Variants in SLC38A8 observed in about 807,000 individuals in gnomAD.
The protein encoded by SLC38A8 is amino acid transporter SLC38A8.
SLC38A8 carries 65 observed loss-of-function variants against 46.0 expected under a neutral mutation model. The observed-to-expected ratio is 1.41, with a 90% CI of 1.16 to 1.74. The LOEUF is 1.74. Among genes scored for constraint, SLC38A8 ranks in the 40% most tolerant of loss-of-function variants. The pLI, the probability that SLC38A8 is intolerant of heterozygous loss-of-function variation, is 0.00. For missense variants in SLC38A8, 998 were observed against 567.9 expected, an observed-to-expected ratio of 1.76 and a Z score of -7.70; for synonymous variants, 447 against 243.7, an observed-to-expected ratio of 1.83 and a Z score of -7.77.
At chr16:84,031,141 G>T (rs1434799387) in intron 5 of SLC38A8, among the ~76,000 whole-genome samples, 3 of 152,174 alleles carry the variant, frequency 2.0e-5, no homozygotes, top group Non-Finnish European at 2.9e-5. Context: ...CCCGGTTCAA[G>T]CAATTCTCCT....
chr16:84,019,487 C>G (rs902816033), intron 7 of SLC38A8, among the ~76,000 whole-genome samples: 2 of 152,218 alleles, frequency 1.3e-5, no homozygotes, highest in African/African-American at 4.8e-5. Context: ...GCGCTGCTCT[C>G]GACAGCTTCT....
At chr16:84,026,062 C>T (rs531554367) in intron 6 of SLC38A8, among the ~76,000 whole-genome samples, 5 of 152,354 alleles carry the variant, frequency 3.3e-5, no homozygotes, top group South Asian at 4.1e-4. Context: ...GCCTTCAGGG[C>T]ACGGCAGATG....
chr16:84,017,623 A>C (rs1205334029), intron 7 of SLC38A8, among the ~76,000 whole-genome samples: 1 of 152,092 alleles, frequency 6.6e-6, no homozygotes, highest in Non-Finnish European at 1.5e-5. Context: ...TGTCCATCTC[A>C]CTCCTACGAC....
At chr16:84,024,302 C>A (rs1377410750) in intron 6 of SLC38A8, among the ~76,000 whole-genome samples, 9 of 152,182 alleles carry the variant, frequency 5.9e-5, no homozygotes. Flanking sequence ...TGCACACATA[C>A]TTAGAATCTA....
intron 4 of SLC38A8, among the ~76,000 whole-genome samples, chr16:84,032,335 T>C (rs1370849480): frequency 6.6e-6 from 1 of 152,112 alleles, no homozygotes; most frequent in East Asian, 1.9e-4. Flanking sequence ...ATTACAGGTG[T>C]CCGCCCCCAC....
At position 84,039,141 on chromosome 16, in the gene SLC38A8, G is replaced by T. The variant is rs143134280; in HGVS notation, c.190-2241C>A. 6.7e-3 allele frequency among the ~76,000 whole-genome samples: 1,021 copies of T among 152,280 alleles called. 5 individuals carry two copies. Among genetic ancestry groups the T allele is most frequent in the Middle Eastern group, 0.01 (3 of 294 alleles). ...AGTCCTGAGGCCATAAACCCAAGAAGCACCTGGAGCCACCAGGAGCTCGAA... is the reference window on the plus strand; with the variant it reads ...AGTCCTGAGGCCATAAACCCAAGAATCACCTGGAGCCACCAGGAGCTCGAA... On this transcript the variant is annotated intron_variant, in intron 2 of 10. Coordinates refer to ENST00000299709, the MANE Select transcript of SLC38A8 (RefSeq NM_001080442.3).
chr16:84,036,112 C>G (rs575763718), intron 3 of SLC38A8, among the ~76,000 whole-genome samples: 4 of 152,150 alleles, frequency 2.6e-5, no homozygotes, highest in Non-Finnish European at 2.9e-5. Flanking sequence ...AAATTAAGGT[C>G]GAAACCGTGA....
intron 6 of SLC38A8, among the ~76,000 whole-genome samples, chr16:84,028,732 G>A (rs1464001379): frequency 1.4e-5 from 2 of 139,800 alleles, no homozygotes; most frequent in African/African-American, 2.7e-5. Context: ...GTGCCACAGA[G>A]CCCTCTGCAG....
At chr16:84,042,324 G>A (rs963300853) in intron 1 of SLC38A8, among the ~76,000 whole-genome samples, 165 bp from the exon 2 acceptor site, 1 of 152,020 alleles carries the variant, frequency 6.6e-6, no homozygotes, top group African/African-American at 2.4e-5. Flanking sequence ...GCATGCATCT[G>A]CCCACGACTT....
rs372464171 is a variant in SLC38A8 at position 84,036,936 on chromosome 16, G to T, written c.190-36C>A. On this transcript the variant is annotated intron_variant, in intron 2 of 10. Coordinates refer to ENST00000299709, the MANE Select transcript of SLC38A8 (RefSeq NM_001080442.3). ...GGAGCAGGACCTGGAACTGGGGTGT[G>T]CCCACAGCCCACCCACCCCCAGCCA... 2.6e-6 allele frequency: 4 copies of T among 1,557,158 alleles called. No homozygotes were observed. The African/African-American group carries it at 4.1e-5, about 16-fold the overall frequency.
intron 7 of SLC38A8, among the ~76,000 whole-genome samples, chr16:84,018,212 A>C (rs2085053995): frequency 7.0e-6 from 1 of 143,454 alleles, no homozygotes; most frequent in African/African-American, 2.6e-5. Flanking sequence ...GCTCTGACTC[A>C]GCCCTCATTC....
intron 6 of SLC38A8, among the ~76,000 whole-genome samples, chr16:84,026,441 G>T (rs990008697): frequency 6.6e-6 from 1 of 152,140 alleles, no homozygotes; most frequent in African/African-American, 2.4e-5. Flanking sequence ...TGGCCAGGCT[G>T]GTCTTGAACT....
intron 10 of SLC38A8, among the ~76,000 whole-genome samples, chr16:84,011,635 G>A (rs975235121): frequency 1.3e-5 from 2 of 152,204 alleles, no homozygotes; most frequent in Admixed American, 6.5e-5. Context: ...TCTGGAAACT[G>A]GGTTTTGCAG....
chr16:84,019,415 C>A (rs139011636), intron 7 of SLC38A8, among the ~76,000 whole-genome samples: 146 of 152,298 alleles, frequency 9.6e-4, no homozygotes, highest in Non-Finnish European at 1.6e-3. Context: ...ACCAATTTGG[C>A]ATACTGGCAG....
chr16:84,016,892 G>T (rs1277940764), intron 8 of SLC38A8, 165 bp from the exon 9 acceptor site: 7 of 1,002,278 alleles, frequency 7.0e-6, no homozygotes, highest in Non-Finnish European at 8.5e-6. Flanking sequence ...CAGGGGTTCT[G>T]CCACCATCGG....
intron 3 of SLC38A8, among the ~76,000 whole-genome samples, chr16:84,035,287 G>A (rs145679979): frequency 9.2e-5 from 14 of 152,224 alleles, no homozygotes; most frequent in South Asian, 2.1e-4. Flanking sequence ...GTTCAGATAC[G>A]CCAATCTCAC....
chr16:84,019,768 G>A (rs538513498), intron 7 of SLC38A8, among the ~76,000 whole-genome samples: 2 of 152,330 alleles, frequency 1.3e-5, no homozygotes, highest in Admixed American at 1.3e-4. Flanking sequence ...GGCAGTGCAG[G>A]CAAAAGAAAC....
At position 84,022,889 on chromosome 16, in the gene SLC38A8, A is replaced by T; in HGVS notation, c.691T>A (p.Cys231Ser). The T allele has an allele frequency of 1.3e-6, 2 of 1,590,270 alleles. No individual in the cohort carries two copies. The highest frequency in any genetic ancestry group is 1.7e-6 in the Non-Finnish European group (2 of 1,170,150). The change falls in exon 7 of 11, where the codon TGT becomes AGT. Residue 231 changes from cysteine to serine, a missense_variant and splice_region_variant. By Grantham distance (112) the Cys-to-Ser change is moderately radical. Coordinates refer to ENST00000299709, the MANE Select transcript of SLC38A8 (RefSeq NM_001080442.3). ...VFPTICFGFQ[C>S]HEAAVSIYCS... ...TAGATGGAGACGGCAGCTTCGTGAC[A>T]CTGTAAGACAGAGGGCGGCTCAGCA...
chr16:84,014,006 A>G (rs1052465956), intron 9 of SLC38A8, among the ~76,000 whole-genome samples: 2 of 151,288 alleles, frequency 1.3e-5, no homozygotes, highest in African/African-American at 4.9e-5. Context: ...CCACACCCTC[A>G]GCCCTGAAAG....
Sources: allele counts gnomAD v4.1 joint callset (sites outside exome capture counted in the v4.1 genomes callset), GRCh38; gene constraint gnomAD v4.1.1; transcripts MANE v1.5; gene names NCBI Gene and HGNC (gene_info 2026-07-23, HGNC 2026-07-21).